Variants in CDKL4 observed in about 807,000 individuals in gnomAD.
The protein encoded by CDKL4 is cyclin-dependent kinase-like 4.
Under a neutral mutation model 42.0 loss-of-function variants are expected in CDKL4, and 44 were observed. The ratio of observed to expected loss-of-function variants is 1.05; its 90% confidence interval spans 0.82 to 1.35. The LOEUF is 1.35. Ranked by LOEUF, CDKL4 falls within the 40% of genes most tolerant of loss-of-function variation. CDKL4 has a pLI of 0.00. For synonymous variants in CDKL4, 120 were observed against 121.6 expected, an observed-to-expected ratio of 0.99 and a Z score of 0.09; for missense variants, 393 against 369.9, an observed-to-expected ratio of 1.06 and a Z score of -0.51.
chr2:39,205,687 G>C (rs930284842), intron 4 of CDKL4, among the ~76,000 whole-genome samples: 3 of 146,686 alleles, frequency 2.0e-5, no homozygotes, highest in South Asian at 2.2e-4. Context: ...GGGAACCCGG[G>C]AGGCAGAGCT....
upstream of CDKL4, among the ~76,000 whole-genome samples, chr2:39,245,180 G>A (rs1679859449): frequency 6.6e-6 from 1 of 152,186 alleles, no homozygotes; most frequent in Admixed American, 6.5e-5. Context: ...TCTTGCTACT[G>A]CTCACTCTGG....
chr2:39,246,356 A>G (rs1679912797), upstream of CDKL4, among the ~76,000 whole-genome samples: 1 of 152,160 alleles, frequency 6.6e-6, no homozygotes, highest in Admixed American at 6.5e-5. Context: ...AATTTCCACC[A>G]TCTATCATGC....
intron 3 of CDKL4, among the ~76,000 whole-genome samples, chr2:39,221,175 G>A (rs1678340890): frequency 6.6e-6 from 1 of 150,976 alleles, no homozygotes; most frequent in Non-Finnish European, 1.5e-5. Flanking sequence ...CACCACGCCT[G>A]GCTAATTTTT....
chr2:39,190,496 C>G (rs1387984025), exon 6 of CDKL4: 3 of 1,614,034 alleles, frequency 1.9e-6, no homozygotes, highest in Admixed American at 1.7e-5. Context: ...GTAGGCATCT[C>G]CTGGAACTGC....
At chr2:39,205,615 CCAGGCGTGGTGG>C (rs776543613) in intron 4 of CDKL4, among the ~76,000 whole-genome samples, 3 of 151,788 alleles carry the variant, frequency 2.0e-5, no homozygotes, top group East Asian at 3.9e-4. Flanking sequence ...AAAAAATTAA[CCAGGCGTGGTGG>C]CAGGCGCCTG....
At chr2:39,206,484 G>C (rs1364195431) in intron 4 of CDKL4, among the ~76,000 whole-genome samples, 1 of 152,214 alleles carries the variant, frequency 6.6e-6, no homozygotes. Flanking sequence ...GCCCGGCTAG[G>C]GGCCTGGGTG....
At chr2:39,201,304 T>TA (rs139925872) in intron 5 of CDKL4, among the ~76,000 whole-genome samples, 113,719 of 145,350 alleles carry the variant, frequency 0.78, 46,836 homozygotes, top group Non-Finnish European at 0.93. Context: ...ACCAAAAAAA[T>TA]AAAAAAAAAA....
In CDKL4 at chr2:39,219,867, C is replaced by T. The variant is rs376194590; in HGVS notation, c.290+5972G>A. Among the ~76,000 whole-genome samples, 62 of 152,248 alleles carry T rather than the reference C, an allele frequency of 4.1e-4. 1 individual carries two copies. Among genetic ancestry groups the T allele is most frequent in the African/African-American group, 1.4e-3 (59 of 41,528 alleles). On this transcript the variant is annotated intron_variant, in intron 3 of 9. Coordinates refer to ENST00000451199, the Ensembl canonical transcript of CDKL4. ...GAGGTGGTCTGGTTGCTTCTAACTTCACTGGAGAAATTAAAGAAAAAAAAG... is the reference window on the plus strand; with the variant it reads ...GAGGTGGTCTGGTTGCTTCTAACTTTACTGGAGAAATTAAAGAAAAAAAAG...
intron 3 of CDKL4, among the ~76,000 whole-genome samples, chr2:39,221,756 T>A (rs571140235): frequency 3.3e-5 from 5 of 152,204 alleles, no homozygotes; most frequent in African/African-American, 4.8e-5. Context: ...TGAACATGCC[T>A]TGCTCTTTCT....
At position 39,184,623 on chromosome 2, in the gene CDKL4, C is replaced by G. The variant is rs976699969; in HGVS notation, c.760G>C (p.Asp254His). ...AAGTTCAGAGCCACAGGATGAACATCTGAGAACTTTTCCTCAAGAGTTTCC... is the reference window on the plus strand; with the variant it reads ...AAGTTCAGAGCCACAGGATGAACATGTGAGAACTTTTCCTCAAGAGTTTCC... Residue 254 changes from aspartate (D) to histidine (H), a missense_variant, in exon 8 of 10, where the codon GAT (aspartate) becomes CAT (histidine). Coordinates refer to ENST00000451199, the Ensembl canonical transcript of CDKL4. 3 of 1,611,932 alleles carry G rather than the reference C, an allele frequency of 1.9e-6. No individual in the cohort carries two copies. In the African/African-American group the frequency reaches 4.0e-5, roughly 22 times the overall value.
chr2:39,222,440 A>G (rs1678430614), intron 3 of CDKL4, among the ~76,000 whole-genome samples: 1 of 151,990 alleles, frequency 6.6e-6, no homozygotes, highest in Non-Finnish European at 1.5e-5. Flanking sequence ...AAATACAAAA[A>G]TTAGCCGGGC....
At chr2:39,213,298 A>T in intron 4 of CDKL4, 102 bp downstream of exon 4, 2 of 759,838 alleles carry the variant, frequency 2.6e-6, no homozygotes, top group South Asian at 1.9e-5. Flanking sequence ...TTTGGCTCTT[A>T]CTTTCCCTTT....
At position 39,226,468 on chromosome 2, in the gene CDKL4, TATATATATA is replaced by T. The variant is rs970321671; in HGVS notation, c.169-517_169-509del. Among the ~76,000 whole-genome samples the T allele has an allele frequency of 2.5e-3, 259 of 102,018 alleles. 3 individuals are homozygous for T. The highest frequency in any genetic ancestry group is 6.9e-3 in the African/African-American group (248 of 35,816). The allele number at this position is 102,018 out of a possible 152,430, so 66.9% of individuals were successfully genotyped here. On this transcript the variant is annotated intron_variant, in intron 2 of 9. Transcript: ENST00000451199. The stretch of plus-strand genomic sequence containing the variant: ...TATTATATATATATTATATATATTA[TATATATATA>T]ATATATATTATATATTTTCAGCATT...
intron 5 of CDKL4, among the ~76,000 whole-genome samples, chr2:39,197,431 C>T (rs1447774303): frequency 6.6e-6 from 1 of 152,088 alleles, no homozygotes; most frequent in Non-Finnish European, 1.5e-5. Flanking sequence ...AGGAAAACTT[C>T]CCCGGCCTTG....
At chr2:39,216,531 G>A (rs1358432586) in intron 3 of CDKL4, among the ~76,000 whole-genome samples, 1 of 152,222 alleles carries the variant, frequency 6.6e-6, no homozygotes, top group Non-Finnish European at 1.5e-5. Context: ...GGATTTCTGG[G>A]AAGGCAACAT....
At chr2:39,217,768 T>C (rs1678024492) in intron 3 of CDKL4, among the ~76,000 whole-genome samples, 1 of 152,030 alleles carries the variant, frequency 6.6e-6, no homozygotes. Context: ...AGTTTCGCTC[T>C]TGTTGCCCAG....
chr2:39,236,153 G>GA (rs1679359474), intron 1 of CDKL4, among the ~76,000 whole-genome samples: 2 of 126,564 alleles, frequency 1.6e-5, no homozygotes, highest in African/African-American at 3.3e-5. Flanking sequence ...AAATTTTAGA[G>GA]TAAAAAAAAA....
At chr2:39,192,120 G>A (rs1394598724) in intron 5 of CDKL4, among the ~76,000 whole-genome samples, 1 of 152,182 alleles carries the variant, frequency 6.6e-6, no homozygotes, top group Non-Finnish European at 1.5e-5. Flanking sequence ...TTGGAAATTG[G>A]AGAATGAGAA....
intron 5 of CDKL4, among the ~76,000 whole-genome samples, chr2:39,198,071 G>C (rs753906327): frequency 3.5e-4 from 54 of 152,128 alleles, no homozygotes; most frequent in Non-Finnish European, 6.2e-4. Flanking sequence ...CACCAACCAA[G>C]TATCTGCTGT....
Sources: gnomAD v4.1 joint callset for allele counts (sites outside exome capture counted in the v4.1 genomes callset) on GRCh38, gnomAD v4.1.1 for gene constraint, MANE v1.5 for transcripts, NCBI Gene and HGNC (gene_info 2026-07-23, HGNC 2026-07-21) for gene names.